SBNO1: variants seen among roughly 807,000 people sequenced by gnomAD.
SBNO1 encodes the protein strawberry notch homolog 1, also known as protein strawberry notch homolog 1.
A neutral mutation model predicts 173.6 loss-of-function variants in SBNO1; 23 were observed. That is an observed-to-expected ratio of 0.13 (90% CI 0.10 to 0.19). SBNO1 has a LOEUF of 0.19. SBNO1 is among the 10% of genes least tolerant of loss of function. The pLI, the probability that SBNO1 is intolerant of heterozygous loss-of-function variation, is 1.00. For synonymous variants in SBNO1, 632 were observed against 571.5 expected (o/e 1.11, Z -1.51); for missense variants, 1,238 against 1,671.2 (o/e 0.74, Z 4.52).
At chr12:123,314,275 T>C (rs1175472147) in intron 23 of SBNO1, among the ~76,000 whole-genome samples, 1 of 151,708 alleles carries the variant, frequency 6.6e-6, no homozygotes, top group Non-Finnish European at 1.5e-5. Flanking sequence ...CAAGCGGTTC[T>C]CCTGCCTCAG....
rs1868577525 is a variant in SBNO1, at chr12:123,311,728, A to AAC, written c.3221-600_3221-599insGT. ...TCTATCTATCTATCTATCTATATATATATATATATATATATATATATTTTT... is the reference window on the plus strand; with the variant it reads ...TCTATCTATCTATCTATCTATATATAACTATATATATATATATATATATTTTT... On this transcript the variant is annotated intron_variant, in intron 24 of 31. Coordinates refer to ENST00000602398, the MANE Select transcript of SBNO1 (RefSeq NM_001167856.3). 9.0e-5 allele frequency among the ~76,000 whole-genome samples: 6 copies of AAC among 66,954 alleles called. No homozygotes were observed. In the Admixed American group the frequency reaches 9.1e-4, roughly 10 times the overall value. 43.9% of individuals were successfully genotyped at this position (66,954 alleles called of 152,430 possible). A position where few individuals can be genotyped will look rare whatever the true frequency, so the allele number is the denominator to read the frequency against.
Position 123,320,578 on chromosome 12 carries a change from G to A in SBNO1, c.2521C>T (p.Leu841Phe), listed in dbSNP as rs1869832497. 1.9e-6 allele frequency: 3 copies of A among 1,613,828 alleles called. No homozygotes were observed. Among genetic ancestry groups the A allele is most frequent in the African/African-American group, 1.3e-5 (1 of 74,890 alleles). The change falls in exon 19 of 32, where the codon CTT becomes TTT. Residue 841 changes from leucine to phenylalanine, a missense_variant. Transcript: ENST00000602398. ...ANSNTNSNSS[L>F]ITSQDAVERA... is the part of the protein sequence containing the mutation. ...TCCACAGCATCCTGACTTGTTATAA[G>A]GCTACTGTTACTGTTGGTGTTACTG...
rs140771058 is a variant in SBNO1 at position 123,330,440 on chromosome 12, A to G, written c.1113T>C (p.Ile371=). 2.5e-6 allele frequency: 4 copies of G among 1,598,112 alleles called. No homozygotes were observed. The highest frequency in any genetic ancestry group is 2.2e-5 in the East Asian group (1 of 44,752). The change falls in exon 9 of 32, where the codon ATT becomes ATC. Residue 371 remains isoleucine (I), a synonymous_variant. Coordinates refer to ENST00000602398, the MANE Select transcript of SBNO1 (RefSeq NM_001167856.3). ...RDLRDIGAKN[I]LVHSLNKFKY... ...ATACCTTATTTAACGAATGAACCAAAATGTTTTTTGCTCCAATATCCCTTA... is the reference window on the plus strand; with the variant it reads ...ATACCTTATTTAACGAATGAACCAAGATGTTTTTTGCTCCAATATCCCTTA...
rs893327444 is a variant in SBNO1, at chr12:123,330,515, A to C, written c.1044-6T>G. 28 of 1,486,018 alleles carry C rather than the reference A, an allele frequency of 1.9e-5. No individual in the cohort carries two copies. Among genetic ancestry groups the C allele is most frequent in the African/African-American group, 4.2e-5 (3 of 71,524 alleles). 92.1% of individuals were successfully genotyped at this position (1,486,018 alleles called of 1,614,324 possible). A position where few individuals can be genotyped will look rare whatever the true frequency, so the allele number is the denominator to read the frequency against. On this transcript the variant is annotated splice_region_variant and splice_polypyrimidine_tract_variant and intron_variant, in intron 8 of 31. Transcript: ENST00000602398. ...AGTCATTTGAAACACTAAACCTGCCAAAATATTAAAAAGCACAAATTAAAT... is the reference window on the plus strand; with the variant it reads ...AGTCATTTGAAACACTAAACCTGCCCAAATATTAAAAAGCACAAATTAAAT...
At chr12:123,353,578 A>C (rs1259864118) in intron 1 of SBNO1, among the ~76,000 whole-genome samples, 2 of 152,192 alleles carry the variant, frequency 1.3e-5, no homozygotes, top group Admixed American at 1.3e-4. Flanking sequence ...ATTTCAAATA[A>C]AGTTGTTTGC....
chr12:123,308,557 T>A (rs901981224), intron 28 of SBNO1, among the ~76,000 whole-genome samples: 7 of 151,634 alleles, frequency 4.6e-5, no homozygotes, highest in Non-Finnish European at 1.0e-4. Flanking sequence ...CTGTAGTCCC[T>A]GCTACTCTCG....
chr12:123,333,383 T>C (rs1871451555), intron 7 of SBNO1, among the ~76,000 whole-genome samples: 1 of 152,146 alleles, frequency 6.6e-6, no homozygotes, highest in South Asian at 2.1e-4. Flanking sequence ...GATGCTCAAA[T>C]CTTTTCCAGC....
chr12:123,344,666 C>A (rs1449672234), intron 4 of SBNO1, among the ~76,000 whole-genome samples: 1 of 152,066 alleles, frequency 6.6e-6, no homozygotes, highest in Non-Finnish European at 1.5e-5. Flanking sequence ...CTGGCCAACA[C>A]AGTGAAACCC....
Position 123,336,403 on chromosome 12 carries a change from G to T in SBNO1, c.740C>A (p.Pro247Gln). Residue 247 changes from proline (P) to glutamine (Q), a missense_variant, in exon 6 of 32, where the codon CCA (proline) becomes CAA (glutamine). Pro to Gln is a moderately conservative substitution (Grantham distance 76, BLOSUM62 -1). This residue lies in a region of SBNO1 where 78 missense variants were observed against 103.3 expected (regional missense o/e 0.76). Transcript: ENST00000602398. ...AAATCCCGAAGACATACATTTTATT[G>T]GCATGTATTCTGCATAGGTTTCTGC... ...GHAETYAEYM[P>Q]IKLKIGLRHP... The T allele has an allele frequency of 6.4e-7, 1 of 1,566,150 alleles. No individual in the cohort carries two copies. Among genetic ancestry groups the T allele is most frequent in the Non-Finnish European group, 8.8e-7 (1 of 1,142,358 alleles).
chr12:123,352,286 A>T (rs1873964444), intron 1 of SBNO1, among the ~76,000 whole-genome samples: 1 of 152,194 alleles, frequency 6.6e-6, no homozygotes, highest in Non-Finnish European at 1.5e-5. Context: ...GTGTTTCATG[A>T]TGTCCTACAA....
chr12:123,294,663 A>AAAAAAAAAAAAAAAAAAG lies in SBNO1; in HGVS notation c.*1244_*1245insCTTTTTTTTTTTTTTTTT, dbSNP rs2048565221. 1 of 112,832 alleles carries AAAAAAAAAAAAAAAAAAG rather than the reference A, an allele frequency of 8.9e-6. No individual in the cohort carries two copies. Among genetic ancestry groups the AAAAAAAAAAAAAAAAAAG allele is most frequent in the South Asian group, 2.4e-4 (1 of 4,126 alleles). 7.0% of individuals were successfully genotyped at this position (112,832 alleles called of 1,614,324 possible). On this transcript the variant is annotated 3_prime_UTR_variant, in exon 32 of 32. Transcript: ENST00000602398. ...AAAAAAAAAAAAAAAAAAAAAAAAG[A>AAAAAAAAAAAAAAAAAAG]AAAAAAGAAAAGAAAGAAAAAGAAA... is the stretch of plus-strand genomic sequence containing the variant.
At chr12:123,357,360 G>C (rs1874576644) in intron 1 of SBNO1, among the ~76,000 whole-genome samples, 1 of 152,082 alleles carries the variant, frequency 6.6e-6, no homozygotes, top group Non-Finnish European at 1.5e-5. Context: ...TGAGACAGGA[G>C]AACACCGGAA....
intron 4 of SBNO1, among the ~76,000 whole-genome samples, chr12:123,341,379 T>C (rs1323959052): frequency 2.0e-5 from 3 of 151,714 alleles, no homozygotes; most frequent in African/African-American, 2.4e-5. Context: ...ACCTGGGAGG[T>C]GGAGGTTGAA....
intron 1 of SBNO1, among the ~76,000 whole-genome samples, chr12:123,362,013 C>A (rs1875286965): frequency 6.6e-6 from 1 of 151,788 alleles, no homozygotes; most frequent in African/African-American, 2.4e-5. Flanking sequence ...GTGGCACGCG[C>A]CTGTAGTCCC....
intron 6 of SBNO1, among the ~76,000 whole-genome samples, chr12:123,335,086 G>T (rs1202434418): frequency 2.6e-5 from 4 of 152,196 alleles, no homozygotes; most frequent in African/African-American, 4.8e-5. Context: ...AGCTATTCAG[G>T]AGTCTGAGAC....
intron 1 of SBNO1, among the ~76,000 whole-genome samples, chr12:123,355,199 TTAG>T: frequency 6.6e-6 from 1 of 152,076 alleles, no homozygotes; most frequent in Non-Finnish European, 1.5e-5. Context: ...TTTTGTATTT[TTAG>T]TAGAGACAGG....
intron 30 of SBNO1, 66 bp from the exon 31 acceptor site, chr12:123,298,237 A>G (rs2138867886): frequency 1.4e-6 from 2 of 1,428,424 alleles, no homozygotes; most frequent in Non-Finnish European, 1.9e-6. Context: ...TTTCTAAAAG[A>G]TTTACAAGGT....
Position 123,309,875 on chromosome 12 carries a change from A to C in SBNO1, c.3296-19T>G. On this transcript the variant is annotated intron_variant, in intron 25 of 31. Transcript: ENST00000602398. ...TTATAATCTGTAATGACAAAAGATA[A>C]ACGTTTTCATGCAAATGATAATTAA... 1.3e-6 allele frequency: 2 copies of C among 1,549,160 alleles called. No individual in the cohort carries two copies. Among genetic ancestry groups the C allele is most frequent in the Non-Finnish European group, 1.7e-6 (2 of 1,144,130 alleles).
At position 123,296,563 on chromosome 12, in the gene SBNO1, T is replaced by TG. The variant is rs553490165; in HGVS notation, c.4040-514_4040-513insC. Among the ~76,000 whole-genome samples, 534 of 151,538 alleles carry TG rather than the reference T, an allele frequency of 3.5e-3. 7 individuals are homozygous for TG. The highest frequency in any genetic ancestry group is 0.018 in the South Asian group (84 of 4,774). On this transcript the variant is annotated intron_variant, in intron 31 of 31. Transcript: ENST00000602398. ...CATGCATATATATATGTGTTTTTTTTTTTGTTTTTTTTTTCTGAGATGGAG... is the reference window on the plus strand; with the variant it reads ...CATGCATATATATATGTGTTTTTTTTGTTTGTTTTTTTTTTCTGAGATGGAG...
Sources: gnomAD v4.1 joint callset for allele counts (sites outside exome capture counted in the v4.1 genomes callset) on GRCh38, gnomAD v4.1.1 for gene constraint, gnomAD v4.1.1 regional missense constraint, MANE v1.5 for transcripts, NCBI Gene and HGNC (gene_info 2026-07-23, HGNC 2026-07-21) for gene names.